The following L3MBTL4 variants were observed in gnomAD, a reference collection of about 807,000 sequenced individuals.
L3MBTL4 encodes L3MBTL histone methyl-lysine binding protein 4, also known as lethal(3)malignant brain tumor-like protein 4.
In L3MBTL4, 70 loss-of-function variants were observed where a neutral mutation model predicts 84.5. The observed-to-expected ratio is 0.83, with a 90% CI of 0.68 to 1.01. The LOEUF (loss-of-function observed/expected upper bound fraction) is 1.01. L3MBTL4 is among the 50% of genes least tolerant of loss of function. L3MBTL4 has a pLI of 0.00. For missense variants in L3MBTL4, 715 were observed against 754.8 expected (o/e 0.95, Z 0.62); for synonymous variants, 274 against 259.8 (o/e 1.05, Z -0.52).
intron 13 of L3MBTL4, among the ~76,000 whole-genome samples, chr18:6,164,942 A>G (rs1018688737): frequency 1.2e-4 from 19 of 152,224 alleles, no homozygotes; most frequent in African/African-American, 4.6e-4. Flanking sequence ...AAAAAAGATT[A>G]GACGAATGGC....
chr18:6,070,512 C>CA (rs35237218), intron 16 of L3MBTL4, among the ~76,000 whole-genome samples: 4,846 of 132,530 alleles, frequency 0.037, 106 homozygotes, highest in African/African-American at 0.065. Context: ...AAAACTTACT[C>CA]AAAAAAAAAA....
rs557572763 is a variant in L3MBTL4, at chr18:6,214,627, T to C, written c.870+1123A>G. ...TCTCCAGCTTTTGTAGAAACACATT[T>C]TCTTTGTAAGATGCATTATCACATC... On this transcript the variant is annotated intron_variant, in intron 11 of 18. Coordinates refer to ENST00000317931, the MANE Select transcript of L3MBTL4 (RefSeq NM_001330559.2). 5.3e-5 allele frequency among the ~76,000 whole-genome samples: 8 copies of C among 152,344 alleles called. 1 individual carries two copies. In the South Asian group the frequency reaches 1.7e-3, roughly 32 times the overall value.
chr18:6,320,432 G>T (rs1012940838), intron 1 of L3MBTL4, among the ~76,000 whole-genome samples: 1 of 152,062 alleles, frequency 6.6e-6, no homozygotes, highest in Non-Finnish European at 1.5e-5. Flanking sequence ...AAAGTCTCAG[G>T]TTACAAAATC....
intron 16 of L3MBTL4, among the ~76,000 whole-genome samples, chr18:6,022,570 T>C (rs2055319945): frequency 6.6e-6 from 1 of 152,210 alleles, no homozygotes. Context: ...AAATGAGTCT[T>C]ACAGTAGCTT....
intron 4 of L3MBTL4, among the ~76,000 whole-genome samples, chr18:6,269,718 G>A (rs1056571955): frequency 6.6e-6 from 1 of 152,122 alleles, no homozygotes; most frequent in Non-Finnish European, 1.5e-5. Context: ...CAGTTTATAT[G>A]AACATTGTCT....
chr18:6,352,458 C>T (rs1455752878), intron 1 of L3MBTL4, among the ~76,000 whole-genome samples: 3 of 152,210 alleles, frequency 2.0e-5, no homozygotes, highest in African/African-American at 7.2e-5. Flanking sequence ...TAAATATTCT[C>T]ATGGTAGCTA....
intron 16 of L3MBTL4, among the ~76,000 whole-genome samples, chr18:6,027,298 T>A (rs957900735): frequency 2.0e-5 from 3 of 152,182 alleles, no homozygotes; most frequent in Non-Finnish European, 4.4e-5. Flanking sequence ...TGGTTTTCTG[T>A]TCCCGTGTTA....
intron 1 of L3MBTL4, among the ~76,000 whole-genome samples, chr18:6,386,812 G>A (rs2054840457): frequency 6.6e-6 from 1 of 152,198 alleles, no homozygotes; most frequent in Non-Finnish European, 1.5e-5. Flanking sequence ...CAGACTGCAG[G>A]CAACCCTGCA....
At chr18:6,360,414 ATCAG>A (rs2053633791) in intron 1 of L3MBTL4, among the ~76,000 whole-genome samples, 1 of 152,196 alleles carries the variant, frequency 6.6e-6, no homozygotes, top group Non-Finnish European at 1.5e-5. Context: ...AGGAAATTAA[ATCAG>A]TCACTCTTCT....
At chr18:6,362,636 C>A (rs1362980754) in intron 1 of L3MBTL4, among the ~76,000 whole-genome samples, 1 of 152,022 alleles carries the variant, frequency 6.6e-6, no homozygotes, top group African/African-American at 2.4e-5. Flanking sequence ...AATGATACTG[C>A]CAGTATCTGC....
intron 16 of L3MBTL4, among the ~76,000 whole-genome samples, chr18:6,063,623 T>C (rs183596103): frequency 1.2e-3 from 188 of 151,626 alleles, no homozygotes; most frequent in Middle Eastern, 3.4e-3. Context: ...GAGCATTTTT[T>C]CATATGTCTG....
chr18:6,162,192 C>T lies in L3MBTL4; in HGVS notation c.1096+9636G>A, dbSNP rs188308638. ...CTACTGTGATATCTTTTGTAAAAAT[C>T]CACTAAAGTAAATCAATAAAATAAC... On this transcript the variant is annotated intron_variant, in intron 13 of 18. Coordinates refer to ENST00000317931, the MANE Select transcript of L3MBTL4 (RefSeq NM_001330559.2). Among the ~76,000 whole-genome samples the T allele has an allele frequency of 3.1e-3, 477 of 151,970 alleles. 5 individuals are homozygous for T. Among genetic ancestry groups the T allele is most frequent in the Middle Eastern group, 0.01 (3 of 294 alleles).
chr18:6,034,584 T>C (rs1377672797), intron 16 of L3MBTL4, among the ~76,000 whole-genome samples: 2 of 152,182 alleles, frequency 1.3e-5, no homozygotes, highest in East Asian at 1.9e-4. Flanking sequence ...TCTTTGCTAT[T>C]GTAAATAGTG....
chr18:5,999,352 G>C (rs144692695), intron 16 of L3MBTL4, among the ~76,000 whole-genome samples: 1 of 152,280 alleles, frequency 6.6e-6, no homozygotes, highest in East Asian at 1.9e-4. Context: ...CTTGGTTTGA[G>C]GTTGCAAAGC....
At chr18:6,216,484 A>C (rs1354985956) in intron 10 of L3MBTL4, among the ~76,000 whole-genome samples, 1 of 152,014 alleles carries the variant, frequency 6.6e-6, no homozygotes, top group Non-Finnish European at 1.5e-5. Flanking sequence ...AGATTTATTC[A>C]TCAGCTCTAT....
In L3MBTL4 at chr18:6,164,758, T is replaced by TA. The variant is rs1352549672; in HGVS notation, c.1096+7069dup. ...AACAGAGCAGAAAAACCGGAAACCC[T>TA]AAAAAATCAGAGTGCCTCTCCTCCT... On this transcript the variant is annotated intron_variant, in intron 13 of 18. Coordinates refer to ENST00000317931, the MANE Select transcript of L3MBTL4 (RefSeq NM_001330559.2). Among the ~76,000 whole-genome samples, 35 of 152,136 alleles carry TA rather than the reference T, an allele frequency of 2.3e-4. 1 individual carries two copies. Among genetic ancestry groups the TA allele is most frequent in the Non-Finnish European group, 2.9e-5 (2 of 67,976 alleles).
intron 3 of L3MBTL4, among the ~76,000 whole-genome samples, chr18:6,309,785 A>G (rs901960166): frequency 1.3e-5 from 2 of 152,242 alleles, no homozygotes; most frequent in Non-Finnish European, 2.9e-5. Context: ...GGGGGTAACA[A>G]TCTCAGCAGC....
intron 16 of L3MBTL4, chr18:6,030,040 C>T (rs1385417951): frequency 1.0e-6 from 1 of 985,320 alleles, no homozygotes; most frequent in African/African-American, 1.7e-5. Context: ...TAGTGTGCCG[C>T]TCCATGTGTT....
At chr18:6,384,710 C>G (rs2054742630) in intron 1 of L3MBTL4, among the ~76,000 whole-genome samples, 1 of 152,152 alleles carries the variant, frequency 6.6e-6, no homozygotes, top group South Asian at 2.1e-4. Context: ...AAGAATGTGG[C>G]AGAAGTGACT....
Sources: gnomAD v4.1 joint callset for allele counts (sites outside exome capture counted in the v4.1 genomes callset) on GRCh38, gnomAD v4.1.1 for gene constraint, MANE v1.5 for transcripts, NCBI Gene and HGNC (gene_info 2026-07-23, HGNC 2026-07-21) for gene names.